Variants in MYBL1 observed in about 807,000 individuals in gnomAD.
The protein encoded by MYBL1 is MYB proto-oncogene like 1.
Under a neutral mutation model 96.3 loss-of-function variants are expected in MYBL1, and 17 were observed. The ratio of observed to expected loss-of-function variants is 0.18; its 90% CI spans 0.12 to 0.26. The LOEUF (loss-of-function observed/expected upper bound fraction) is 0.26. MYBL1 is among the 10% of genes least tolerant of loss of function. MYBL1 has a pLI of 1.00. For synonymous variants in MYBL1, 282 were observed against 292.7 expected (o/e 0.96, Z 0.37); for missense variants, 701 against 882.9 (o/e 0.79, Z 2.61).
chr8:66,593,615 A>G (rs1037297832), intron 6 of MYBL1, among the ~76,000 whole-genome samples: 1 of 152,210 alleles, frequency 6.6e-6, no homozygotes, highest in African/African-American at 2.4e-5. Context: ...AAGTTTTTCA[A>G]TGTTCATATC....
intron 1 of MYBL1, among the ~76,000 whole-genome samples, chr8:66,606,639 A>G (rs1810322490): frequency 6.6e-6 from 1 of 152,194 alleles, no homozygotes; most frequent in Non-Finnish European, 1.5e-5. Context: ...AAAATTCTTC[A>G]TATTTGACCA....
At chr8:66,597,249 G>A in intron 5 of MYBL1, 81 bp downstream of exon 5, 4 of 987,376 alleles carry the variant, frequency 4.1e-6, no homozygotes, top group Non-Finnish European at 5.7e-6. Flanking sequence ...AAGTCATCGG[G>A]GACTTGCAAA....
intron 8 of MYBL1, among the ~76,000 whole-genome samples, chr8:66,586,384 T>A (rs2129882686): frequency 6.6e-6 from 1 of 152,118 alleles, no homozygotes; most frequent in Non-Finnish European, 1.5e-5. Context: ...GCTGAACCAA[T>A]ATTTCTCAAA....
intron 3 of MYBL1, among the ~76,000 whole-genome samples, chr8:66,599,805 A>G (rs1365659191): frequency 6.6e-6 from 1 of 152,106 alleles, no homozygotes; most frequent in East Asian, 1.9e-4. Context: ...TCATCTCAAA[A>G]AAAAAAAAGA....
intron 8 of MYBL1, among the ~76,000 whole-genome samples, chr8:66,591,321 T>A (rs1809634305): frequency 1.3e-5 from 2 of 151,938 alleles, no homozygotes; most frequent in Non-Finnish European, 2.9e-5. Flanking sequence ...CACTCCAGCC[T>A]GGGCAACAGA....
At chr8:66,602,699 CTATATATATATATATATA>C (rs67236935) in intron 1 of MYBL1, among the ~76,000 whole-genome samples, 176 bp from the exon 2 acceptor site, 59 of 27,268 alleles carry the variant, frequency 2.2e-3, no homozygotes, top group African/African-American at 8.2e-3. Flanking sequence ...TGGGGTGGAG[CTATATATATATATATATA>C]TATATATATA....
chr8:66,585,719 G>A (rs1314159680), intron 8 of MYBL1, among the ~76,000 whole-genome samples: 1 of 152,140 alleles, frequency 6.6e-6, no homozygotes, highest in Non-Finnish European at 1.5e-5. Context: ...TCCAGCCTGG[G>A]TGACAAGAAT....
At chr8:66,592,681 A>G (rs1809696970) in intron 7 of MYBL1, 137 bp from the exon 8 acceptor site, 1 of 528,980 alleles carries the variant, frequency 1.9e-6, no homozygotes, top group Middle Eastern at 5.0e-4. Flanking sequence ...AATACTAACT[A>G]CTCATTATCA....
chr8:66,568,585 G>A (rs1307967990), intron 12 of MYBL1, among the ~76,000 whole-genome samples: 1 of 152,092 alleles, frequency 6.6e-6, no homozygotes, highest in Non-Finnish European at 1.5e-5. Context: ...TCACAGGTGT[G>A]AGCCACCACC....
At chr8:66,610,927 C>G (rs951944699) in intron 1 of MYBL1, among the ~76,000 whole-genome samples, 1 of 152,146 alleles carries the variant, frequency 6.6e-6, no homozygotes, top group African/African-American at 2.4e-5. Flanking sequence ...TTAAATCATT[C>G]TATCATGTTT....
chr8:66,580,978 A>G (rs968566204), intron 8 of MYBL1, among the ~76,000 whole-genome samples: 1 of 151,148 alleles, frequency 6.6e-6, no homozygotes, highest in Non-Finnish European at 1.5e-5. Context: ...CTCCTGCCTC[A>G]GCCTCCCGGG....
rs140098515 is a variant in MYBL1, at chr8:66,599,243, T to C, written c.199-101A>G. 3.8e-4 allele frequency: 240 copies of C among 638,968 alleles called. 1 individual carries two copies. The highest frequency in any genetic ancestry group is 2.8e-3 in the African/African-American group (151 of 53,376). 39.6% of individuals were successfully genotyped at this position (638,968 alleles called of 1,614,324 possible). A position where few individuals can be genotyped will look rare whatever the true frequency, so the allele number is the denominator to read the frequency against. On this transcript the variant is annotated intron_variant, in intron 3 of 15. Coordinates refer to ENST00000522677, the MANE Select transcript of MYBL1 (RefSeq NM_001080416.4). ...ATCCTTAGAACAAAGACTTCAAGAA[T>C]AGTGTATTCAATAGCATTCTTTAAA...
chr8:66,569,939 C>A (rs181938525), intron 12 of MYBL1, among the ~76,000 whole-genome samples: 1 of 152,130 alleles, frequency 6.6e-6, no homozygotes, highest in East Asian at 1.9e-4. Context: ...TTAAGATATA[C>A]CTGATTAAAA....
chr8:66,585,091 AC>A (rs1333486855), intron 8 of MYBL1, among the ~76,000 whole-genome samples: 6 of 129,852 alleles, frequency 4.6e-5, no homozygotes, highest in Admixed American at 2.8e-4. Context: ...GAGCAAAAAA[AC>A]AAACAAACAA....
intron 9 of MYBL1, among the ~76,000 whole-genome samples, chr8:66,579,572 G>A (rs976500624): frequency 2.6e-5 from 4 of 151,646 alleles, no homozygotes; most frequent in Admixed American, 2.0e-4. Flanking sequence ...CAGGAGAATC[G>A]CTTGAACCCA....
chr8:66,576,435 A>G (rs1300926387), intron 9 of MYBL1, 60 bp from the exon 10 acceptor site: 2 of 1,495,884 alleles, frequency 1.3e-6, no homozygotes, highest in East Asian at 2.3e-5. Context: ...TCTGCTCTTG[A>G]ACACAGGATG....
chr8:66,586,484 A>G (rs1809427132), intron 8 of MYBL1, among the ~76,000 whole-genome samples: 1 of 152,222 alleles, frequency 6.6e-6, no homozygotes, highest in African/African-American at 2.4e-5. Context: ...ACGATGAGAT[A>G]TCATCTCACC....
chr8:66,580,858 C>CT (rs796667192), intron 8 of MYBL1, among the ~76,000 whole-genome samples: 2,260 of 137,220 alleles, frequency 0.016, 36 homozygotes, highest in African/African-American at 0.046. Context: ...GGAAGCTCTT[C>CT]TTTTTTTTTT....
intron 10 of MYBL1, 127 bp from the exon 11 acceptor site, chr8:66,573,633 C>T (rs1808823974): frequency 1.3e-5 from 10 of 798,706 alleles, no homozygotes; most frequent in Non-Finnish European, 1.6e-5. Context: ...TAATATTACA[C>T]TTATACTCCA....
Sources: gnomAD v4.1 joint callset for allele counts (sites outside exome capture counted in the v4.1 genomes callset) on GRCh38, gnomAD v4.1.1 for gene constraint, MANE v1.5 for transcripts, NCBI Gene and HGNC (gene_info 2026-07-23, HGNC 2026-07-21) for gene names.